The following FAN1 variants were observed in gnomAD, a reference collection of about 807,000 sequenced individuals.
FAN1 encodes the protein fanconi-associated nuclease 1.
Under a neutral mutation model 104.9 loss-of-function variants are expected in FAN1, and 91 were observed. That is an observed-to-expected ratio of 0.87 (90% confidence interval 0.73 to 1.03). The LOEUF is 1.03. Among genes scored for constraint, FAN1 ranks in the 50% least tolerant of loss-of-function variants. The pLI, the probability that FAN1 is intolerant of heterozygous loss-of-function variation, is 0.00. For synonymous variants in FAN1, 478 were observed against 457.6 expected (o/e 1.04, Z -0.57); for missense variants, 1,263 against 1,239.9 (o/e 1.02, Z -0.28).
intron 5 of FAN1, 80 bp downstream of exon 5, chr15:30,914,171 C>A: frequency 9.3e-7 from 1 of 1,075,694 alleles, no homozygotes; most frequent in Non-Finnish European, 1.4e-6. Flanking sequence ...TTTTTCCAGC[C>A]AAAGTAGAAA....
chr15:30,912,070 A>C (rs1045462371), intron 4 of FAN1, among the ~76,000 whole-genome samples: 6 of 152,150 alleles, frequency 3.9e-5, no homozygotes, highest in African/African-American at 1.4e-4. Context: ...TCAAAAAAAA[A>C]AAAAAAAATA....
At chr15:30,911,081 G>A (rs1161929482) in intron 4 of FAN1, 8 of 1,203,082 alleles carry the variant, frequency 6.6e-6, no homozygotes, top group Admixed American at 4.2e-5. Context: ...TTTATTTTCC[G>A]AGAAAAATAC....
intron 7 of FAN1, 28 bp downstream of exon 7, chr15:30,920,681 C>G: frequency 7.5e-7 from 1 of 1,327,820 alleles, no homozygotes; most frequent in East Asian, 2.3e-5. Flanking sequence ...TGCCCCCCAC[C>G]ATTACTGATG....
chr15:30,930,212 T>TCC (rs985006054), intron 12 of FAN1, among the ~76,000 whole-genome samples: 14 of 151,668 alleles, frequency 9.2e-5, no homozygotes, highest in Non-Finnish European at 1.9e-4. Flanking sequence ...CCTTCTGTGT[T>TCC]CCTTCAACTG....
chr15:30,934,630 C>T (rs1038257590), intron 13 of FAN1, among the ~76,000 whole-genome samples: 3 of 152,162 alleles, frequency 2.0e-5, no homozygotes, highest in Admixed American at 1.3e-4. Flanking sequence ...GTTCACCTGC[C>T]GTGGTCTCTT....
rs1451778603 is a variant in FAN1 at position 30,925,917 on chromosome 15, C to T, written c.2466C>T (p.Tyr822=). The T allele has an allele frequency of 1.2e-6, 2 of 1,614,230 alleles. No homozygotes were observed. The highest frequency in any genetic ancestry group is 1.7e-6 in the Non-Finnish European group (2 of 1,180,036). The change falls in exon 10 of 15, where the codon TAC becomes TAT. Residue 822 remains tyrosine, a synonymous_variant. Coordinates refer to ENST00000362065, the MANE Select transcript of FAN1 (RefSeq NM_014967.5). ...TGGAGGAGCTGGCACTGGCCCATTA[C>T]AGACGCAGCGGTTTTGACCAGGGTA... ...CSVEELALAH[Y]RRSGFDQGIH...
Position 30,905,731 on chromosome 15 carries a change from T to C in FAN1, c.1068T>C (p.Pro356=). Reference sequence around the variant, plus strand: ...ACAATGATATCCCTCACAGCATTCCTTTGGAGCAGGGGTCAAGCTGCAATG... The same window carrying C: ...ACAATGATATCCCTCACAGCATTCCCTTGGAGCAGGGGTCAAGCTGCAATG... ...CLNNDIPHSI[P]LEQGSSCNGP... Residue 356 remains proline, a synonymous_variant, in exon 2 of 15, where the codon CCT becomes CCC. Coordinates refer to ENST00000362065, the MANE Select transcript of FAN1 (RefSeq NM_014967.5). 6.2e-7 allele frequency: 1 copy of C among 1,614,156 alleles called. No homozygotes were observed. The highest frequency in any genetic ancestry group is 8.5e-7 in the Non-Finnish European group (1 of 1,180,010).
intron 4 of FAN1, 127 bp from the exon 5 acceptor site, chr15:30,913,731 A>G (rs2140913565): frequency 1.5e-6 from 1 of 655,198 alleles, no homozygotes; most frequent in Non-Finnish European, 2.6e-6. Context: ...CAGAGCAGTT[A>G]AGTAATGCTC....
intron 10 of FAN1, 33 bp downstream of exon 10, chr15:30,925,972 GC>G: frequency 6.2e-7 from 1 of 1,610,208 alleles, no homozygotes; most frequent in Non-Finnish European, 8.5e-7. Flanking sequence ...GTGGCACCCA[GC>G]CCCGGGTGGA....
chr15:30,914,207 T>A (rs1393512358), intron 5 of FAN1, 116 bp downstream of exon 5: 1 of 711,310 alleles, frequency 1.4e-6, no homozygotes, highest in African/African-American at 1.8e-5. Flanking sequence ...CAAAACAGTT[T>A]TTAATCTTTT....
intron 5 of FAN1, 100 bp from the exon 6 acceptor site, chr15:30,918,064 A>G (rs2062231759): frequency 8.1e-7 from 1 of 1,232,828 alleles, no homozygotes; most frequent in South Asian, 1.4e-5. Flanking sequence ...ATTTTAAAAA[A>G]CACACTTTTA....
chr15:30,937,274 A>G lies in FAN1; in HGVS notation c.*3+15A>G, dbSNP rs372096130. On this transcript the variant is annotated intron_variant, in intron 14 of 14. Coordinates refer to ENST00000362065, the MANE Select transcript of FAN1 (RefSeq NM_014967.5). ...TTAGCTAAAAGGTATGGAATTGGGG[A>G]TATTTGGTCATACATTAATGTAAGA... The G allele has an allele frequency of 1.4e-4, 220 of 1,592,468 alleles. No individual in the cohort carries two copies. The highest frequency in any genetic ancestry group is 1.8e-4 in the Non-Finnish European group (206 of 1,172,208).
chr15:30,918,561 C>G lies in FAN1; in HGVS notation c.1943+266C>G, dbSNP rs143396311. ...CCATACTTGACTTGTCGCATGCCAA[C>G]TGTAGGAGTGTTGGCCTCCCTGAGT... On this transcript the variant is annotated intron_variant, in intron 6 of 14. Transcript: ENST00000362065. Among the ~76,000 whole-genome samples, 131 of 152,282 alleles carry G rather than the reference C, an allele frequency of 8.6e-4. 1 individual carries two copies. The highest frequency in any genetic ancestry group is 3.0e-3 in the African/African-American group (124 of 41,556).
chr15:30,923,307 A>G (rs1404696470), intron 8 of FAN1, among the ~76,000 whole-genome samples: 1 of 152,158 alleles, frequency 6.6e-6, no homozygotes, highest in Non-Finnish European at 1.5e-5. Flanking sequence ...AGCAAGAGAA[A>G]GCATCTGGTA....
At chr15:30,918,356 T>TA in intron 6 of FAN1, 61 bp downstream of exon 6, 5 of 1,539,392 alleles carry the variant, frequency 3.2e-6, no homozygotes, top group Non-Finnish European at 4.5e-6. Context: ...TCCCAACACT[T>TA]ACAGTAATTT....
intron 10 of FAN1, chr15:30,928,015 G>C: frequency 3.0e-6 from 3 of 986,874 alleles, no homozygotes; most frequent in Non-Finnish European, 3.6e-6. Flanking sequence ...GGAAGCACTG[G>C]GCTAGGGCAG....
At chr15:30,937,086 A>G in intron 13 of FAN1, 33 bp from the exon 14 acceptor site, 1 of 1,588,718 alleles carries the variant, frequency 6.3e-7, no homozygotes, top group Non-Finnish European at 8.6e-7. Flanking sequence ...TCAGTAAGAT[A>G]CTAATAACAA....
chr15:30,916,312 AT>A (rs746841839), intron 5 of FAN1, among the ~76,000 whole-genome samples: 3 of 152,188 alleles, frequency 2.0e-5, no homozygotes, highest in Non-Finnish European at 2.9e-5. Context: ...AATGGGGAGA[AT>A]AATAGTATAT....
chr15:30,906,333 A>G (rs1217754112), intron 2 of FAN1: 2 of 459,022 alleles, frequency 4.4e-6, no homozygotes, highest in African/African-American at 2.0e-5. Flanking sequence ...AAACAAACCA[A>G]CCTGAGGCAT....
Sources: gnomAD v4.1 joint callset for allele counts (sites outside exome capture counted in the v4.1 genomes callset) on GRCh38, gnomAD v4.1.1 for gene constraint, MANE v1.5 for transcripts, NCBI Gene and HGNC (gene_info 2026-07-23, HGNC 2026-07-21) for gene names.